ANKRD36C: variants seen among roughly 807,000 people sequenced by gnomAD.
ANKRD36C encodes ankyrin repeat domain-containing protein 36C.
In ANKRD36C, 61 loss-of-function variants were observed where a neutral mutation model predicts 276.4. The observed-to-expected ratio is 0.22, with a 90% CI of 0.18 to 0.27. The LOEUF (loss-of-function observed/expected upper bound fraction) is 0.27, where lower values mean the gene tolerates loss of function less well. Among genes scored for constraint, ANKRD36C ranks in the 10% least tolerant of loss-of-function variants. The pLI, the probability that ANKRD36C is intolerant of heterozygous loss-of-function variation, is 1.00. For missense variants in ANKRD36C, 1,447 were observed against 2,032.3 expected (o/e 0.71, Z 5.54); for synonymous variants, 483 against 680.1 (o/e 0.71, Z 4.51).
chr2:95,910,577 C>A lies in ANKRD36C; in HGVS notation c.2653+1667G>T, dbSNP rs1280387315. ...TGGTTTCTGAGAAGACACTGAAAAG[C>A]AAAAGGGATTCATAATCACTCATAT... On this transcript the variant is annotated intron_variant, in intron 42 of 66. Transcript: ENST00000456556. The A allele has an allele frequency of 1.2e-6, 2 of 1,605,556 alleles. No homozygotes were observed. Among genetic ancestry groups the A allele is most frequent in the Non-Finnish European group, 1.7e-6 (2 of 1,176,990 alleles).
At chr2:95,861,965 CA>C (rs762983462) in intron 60 of ANKRD36C, among the ~76,000 whole-genome samples, 43 of 139,604 alleles carry the variant, frequency 3.1e-4, no homozygotes, top group South Asian at 2.3e-4. Context: ...GATTTCATAG[CA>C]AAAAAAAAAA....
chr2:95,913,713 T>A (rs1677003362), intron 40 of ANKRD36C, among the ~76,000 whole-genome samples: 2 of 151,410 alleles, frequency 1.3e-5, no homozygotes, highest in South Asian at 4.1e-4. Context: ...TCCTACAGTG[T>A]CTATGGGTTG....
downstream of ANKRD36C, among the ~76,000 whole-genome samples, chr2:95,850,337 CAG>C (rs1459324365): frequency 6.6e-6 from 1 of 152,206 alleles, no homozygotes; most frequent in Non-Finnish European, 1.5e-5. Context: ...AATTCCCGTA[CAG>C]AGTCATACAT....
At chr2:95,888,095 C>A (rs1484150533) in exon 49 of ANKRD36C, 1 of 1,609,268 alleles carries the variant, frequency 6.2e-7, no homozygotes, top group East Asian at 2.2e-5. Flanking sequence ...TAATTACCTT[C>A]AAGGCTGGTT....
chr2:95,963,968 T>TAA (rs1678520437), intron 6 of ANKRD36C, among the ~76,000 whole-genome samples: 2 of 50,766 alleles, frequency 3.9e-5, no homozygotes, highest in African/African-American at 7.7e-5. Context: ...AATATATATA[T>TAA]ATAAATATAT....
At chr2:95,952,427 C>A in intron 14 of ANKRD36C, among the ~76,000 whole-genome samples, 1 of 147,034 alleles carries the variant, frequency 6.8e-6, no homozygotes. Context: ...CAATAAAATT[C>A]CAGCAACTTA....
At chr2:95,902,077 G>C (rs1676667744) in intron 42 of ANKRD36C, among the ~76,000 whole-genome samples, 2 of 148,374 alleles carry the variant, frequency 1.3e-5, no homozygotes. Context: ...GGAGTATCGT[G>C]TTATTCTCTA....
At chr2:95,986,610 CTTAGACAGTTA>C in intron 3 of ANKRD36C, 130 bp downstream of exon 3, 1 of 1,144,056 alleles carries the variant, frequency 8.7e-7, no homozygotes, top group South Asian at 2.0e-5. Flanking sequence ...AAAGTAAAAT[CTTAGACAGTTA>C]AGGCATTTCA....
chr2:95,866,592 C>T (rs1457359679), intron 60 of ANKRD36C, among the ~76,000 whole-genome samples: 3 of 151,936 alleles, frequency 2.0e-5, no homozygotes, highest in South Asian at 4.1e-4. Context: ...ACATAATACA[C>T]CCATCAGAAT....
intron 1 of ANKRD36C, among the ~76,000 whole-genome samples, chr2:95,990,130 G>GT (rs1481825416): frequency 1.3e-5 from 2 of 152,070 alleles, no homozygotes; most frequent in Non-Finnish European, 2.9e-5. Flanking sequence ...GGCATTTGTG[G>GT]TTTTTTCTGT....
At chr2:95,925,916 T>G (rs1442345219) in intron 28 of ANKRD36C, among the ~76,000 whole-genome samples, 3 of 151,632 alleles carry the variant, frequency 2.0e-5, no homozygotes, top group Non-Finnish European at 4.4e-5. Flanking sequence ...TGCTACTGCA[T>G]GTTTTTCATG....
intron 13 of ANKRD36C, among the ~76,000 whole-genome samples, chr2:95,954,864 G>T (rs1374685090): frequency 6.6e-6 from 1 of 151,946 alleles, no homozygotes; most frequent in Non-Finnish European, 1.5e-5. Context: ...CTCCCTATGG[G>T]CTCCCACTTC....
At chr2:95,884,991 C>A (rs1362899157) in intron 52 of ANKRD36C, among the ~76,000 whole-genome samples, 25 of 151,976 alleles carry the variant, frequency 1.6e-4, no homozygotes, top group Admixed American at 1.6e-3. Flanking sequence ...TGTATCCACT[C>A]GTTTAGCTTT....
intron 16 of ANKRD36C, among the ~76,000 whole-genome samples, chr2:95,949,859 T>C (rs1678151760): frequency 6.6e-6 from 1 of 152,302 alleles, no homozygotes; most frequent in Non-Finnish European, 1.5e-5. Flanking sequence ...ATTTTGTCTA[T>C]AGGAAAATGG....
At chr2:95,973,047 C>T (rs1678729399) in intron 6 of ANKRD36C, among the ~76,000 whole-genome samples, 1 of 151,896 alleles carries the variant, frequency 6.6e-6, no homozygotes, top group Non-Finnish European at 1.5e-5. Flanking sequence ...AAGTTTGAGG[C>T]TGCAGTGGAG....
chr2:95,962,246 T>C (rs1402680807), intron 8 of ANKRD36C, 106 bp downstream of exon 8: 6 of 1,317,476 alleles, frequency 4.6e-6, no homozygotes, highest in Non-Finnish European at 6.2e-6. Context: ...TCAGGCCTGC[T>C]GAATCAGAAT....
chr2:95,857,453 A>C lies in ANKRD36C; in HGVS notation c.3936T>G (p.Val1312=). Residue 1312 remains valine (V), a synonymous_variant, in exon 62 of 67, where the codon GTT becomes GTG. Transcript: ENST00000456556. The stretch of plus-strand genomic sequence containing the variant: ...CCCTAACTTTTTGGTGCAACTCTTC[A>C]ACATTTCTTCTTTTCTTTTTTTCTT... 2.5e-6 allele frequency: 4 copies of C among 1,583,438 alleles called. 1 individual carries two copies. Among genetic ancestry groups the C allele is most frequent in the Non-Finnish European group, 3.4e-6 (4 of 1,161,670 alleles).
At position 95,991,499 on chromosome 2, in the gene ANKRD36C, C is replaced by T. The variant is rs1442646682; in HGVS notation, c.197+13G>A. 2 of 1,580,530 alleles carry T rather than the reference C, an allele frequency of 1.3e-6. No individual in the cohort carries two copies. The highest frequency in any genetic ancestry group is 1.9e-5 in the Admixed American group (1 of 53,842). On this transcript the variant is annotated intron_variant, in intron 1 of 66. Coordinates refer to ENST00000456556, the Ensembl canonical transcript of ANKRD36C. ...GGCCTCCTCCCGCAGCCCCGGCTCCCGGCCCCCATTACCTTTCCTTCCTGT... is the reference window on the plus strand; with the variant it reads ...GGCCTCCTCCCGCAGCCCCGGCTCCTGGCCCCCATTACCTTTCCTTCCTGT...
intron 24 of ANKRD36C, among the ~76,000 whole-genome samples, chr2:95,930,880 A>G (rs1351182568): frequency 2.0e-5 from 3 of 151,508 alleles, no homozygotes; most frequent in Non-Finnish European, 1.5e-5. Flanking sequence ...TTGATGTGCA[A>G]AACTTCTAGG....
Sources: allele counts gnomAD v4.1 joint callset (sites outside exome capture counted in the v4.1 genomes callset), GRCh38; gene constraint gnomAD v4.1.1; transcripts MANE v1.5; gene names NCBI Gene and HGNC (gene_info 2026-07-23, HGNC 2026-07-21).